JMJD1C: variants seen among roughly 807,000 people sequenced by gnomAD.
JMJD1C encodes the protein jumonji domain-containing protein 1C.
JMJD1C carries 31 observed loss-of-function variants against 245.3 expected under a neutral mutation model. The ratio of observed to expected loss-of-function variants is 0.13; its 90% CI spans 0.09 to 0.17. The LOEUF (loss-of-function observed/expected upper bound fraction) is 0.17, where lower values mean the gene tolerates loss of function less well. Among genes scored for constraint, JMJD1C ranks in the 10% least tolerant of loss-of-function variants. The pLI is 1.00. For synonymous variants in JMJD1C, 1,057 were observed against 1,017.4 expected, an observed-to-expected ratio of 1.04 and a Z score of -0.74; for missense variants, 2,691 against 3,000.2, an observed-to-expected ratio of 0.90 and a Z score of 2.41.
Position 63,287,353 on chromosome 10 carries a change from G to C in JMJD1C, c.334-22589C>G, listed in dbSNP as rs940017820. On this transcript the variant is annotated intron_variant, in intron 2 of 25. Transcript: ENST00000399262. ...ACTGTTCTGTGGTATGAAGGTTAAA[G>C]CTGTCGTTCCACGTATGTGAAGTAC... Among the ~76,000 whole-genome samples, 44 of 152,352 alleles carry C rather than the reference G, an allele frequency of 2.9e-4. No individual in the cohort carries two copies. The East Asian group carries it at 4.1e-3, about 14-fold the overall frequency.
intron 2 of JMJD1C, among the ~76,000 whole-genome samples, chr10:63,295,964 T>TATACAC (rs1859346945): frequency 2.2e-4 from 2 of 8,922 alleles, no homozygotes; most frequent in African/African-American, 1.0e-3. Context: ...CGTATATGTG[T>TATACAC]GTGTGTGTGT....
chr10:63,180,610 T>C (rs187008362), intron 22 of JMJD1C, among the ~76,000 whole-genome samples: 5 of 152,302 alleles, frequency 3.3e-5, no homozygotes, highest in African/African-American at 1.2e-4. Context: ...TTTTTGTTTG[T>C]TTGTTTGTTT....
At chr10:63,369,013 G>A (rs77023719) in intron 2 of JMJD1C, among the ~76,000 whole-genome samples, 1,526 of 152,172 alleles carry the variant, frequency 0.01, 26 homozygotes, top group African/African-American at 0.034. Context: ...TTTAGTTAAA[G>A]CCTCCTCAGG....
At chr10:63,424,336 G>A (rs568044523) in intron 1 of JMJD1C, among the ~76,000 whole-genome samples, 8 of 151,286 alleles carry the variant, frequency 5.3e-5, no homozygotes, top group Non-Finnish European at 1.2e-4. Flanking sequence ...CAAAGTGATG[G>A]GATTACAGGC....
chr10:63,168,648 A>C, intron 24 of JMJD1C, 82 bp from the exon 25 acceptor site: 1 of 1,242,286 alleles, frequency 8.0e-7, no homozygotes, highest in Non-Finnish European at 1.1e-6. Flanking sequence ...ACCAATAAAC[A>C]CAAGAGACAA....
chr10:63,209,613 A>G (rs1847084991), intron 8 of JMJD1C, among the ~76,000 whole-genome samples: 1 of 152,222 alleles, frequency 6.6e-6, no homozygotes, highest in Admixed American at 6.5e-5. Context: ...TTCCTAAAAC[A>G]CATTTCATCA....
At chr10:63,374,779 T>G (rs1300284616) in intron 2 of JMJD1C, among the ~76,000 whole-genome samples, 1 of 152,110 alleles carries the variant, frequency 6.6e-6, no homozygotes, top group African/African-American at 2.4e-5. Context: ...TGAAGAGAAA[T>G]GTAGAGGATA....
At chr10:63,173,110 C>T (rs1345746796) in intron 24 of JMJD1C, among the ~76,000 whole-genome samples, 1 of 151,902 alleles carries the variant, frequency 6.6e-6, no homozygotes, top group Admixed American at 6.6e-5. Flanking sequence ...TGAATTTTCA[C>T]CGTGAACTTT....
At chr10:63,504,737 G>T (rs1321087587) in intron 1 of JMJD1C, among the ~76,000 whole-genome samples, 1 of 152,114 alleles carries the variant, frequency 6.6e-6, no homozygotes, top group East Asian at 1.9e-4. Context: ...ATTGAAACAG[G>T]TCAATAATAG....
chr10:63,180,355 G>A (rs1233593463), intron 22 of JMJD1C, among the ~76,000 whole-genome samples: 2 of 152,158 alleles, frequency 1.3e-5, no homozygotes, highest in African/African-American at 4.8e-5. Flanking sequence ...GTCCTAGGAA[G>A]TTGGGAATTA....
intron 2 of JMJD1C, among the ~76,000 whole-genome samples, chr10:63,271,471 C>G (rs1220229169): frequency 6.6e-6 from 1 of 152,086 alleles, no homozygotes; most frequent in Admixed American, 6.5e-5. Context: ...AGCCACCATG[C>G]CCGGATGTAA....
At chr10:63,399,591 A>G (rs1948727381) in intron 1 of JMJD1C, among the ~76,000 whole-genome samples, 1 of 152,194 alleles carries the variant, frequency 6.6e-6, no homozygotes, top group Non-Finnish European at 1.5e-5. Flanking sequence ...CAATATATAT[A>G]CAACAGTCTA....
At chr10:63,480,662 GC>G (rs1953804112) in intron 1 of JMJD1C, among the ~76,000 whole-genome samples, 1 of 151,078 alleles carries the variant, frequency 6.6e-6, no homozygotes, top group Non-Finnish European at 1.5e-5. Flanking sequence ...ATTCATCACA[GC>G]CAGTTTGAAT....
chr10:63,255,326 CATAA>C (rs1853730538), intron 3 of JMJD1C, among the ~76,000 whole-genome samples: 1 of 152,108 alleles, frequency 6.6e-6, no homozygotes, highest in African/African-American at 2.4e-5. Flanking sequence ...TAGTAGAAAA[CATAA>C]ATATTAGATT....
chr10:63,391,508 T>TCAACAA (rs140504932), intron 1 of JMJD1C, among the ~76,000 whole-genome samples: 5,147 of 149,370 alleles, frequency 0.034, 99 homozygotes, highest in East Asian at 0.09. Flanking sequence ...AGACTCCGTC[T>TCAACAA]CAACAACAAC....
intron 2 of JMJD1C, among the ~76,000 whole-genome samples, chr10:63,303,907 T>G (rs1217122267): frequency 6.6e-6 from 1 of 152,186 alleles, no homozygotes; most frequent in African/African-American, 2.4e-5. Context: ...TACTCTAAAT[T>G]CATACTAAGA....
chr10:63,203,499 A>T, intron 10 of JMJD1C: 1 of 982,448 alleles, frequency 1.0e-6, no homozygotes, highest in Non-Finnish European at 1.2e-6. Context: ...ATTTTTTTGG[A>T]GATAGAGAAA....
chr10:63,413,644 G>A (rs1949619695), intron 1 of JMJD1C, among the ~76,000 whole-genome samples: 2 of 152,110 alleles, frequency 1.3e-5, no homozygotes, highest in Non-Finnish European at 2.9e-5. Flanking sequence ...GTTATCAAGC[G>A]ATAAGATAAT....
At chr10:63,400,012 C>T (rs1948753230) in intron 1 of JMJD1C, among the ~76,000 whole-genome samples, 1 of 152,000 alleles carries the variant, frequency 6.6e-6, no homozygotes, top group Admixed American at 6.6e-5. Flanking sequence ...AAAAAGCCTA[C>T]TTTACTCACT....
Sources: allele counts gnomAD v4.1 joint callset (sites outside exome capture counted in the v4.1 genomes callset), GRCh38; gene constraint gnomAD v4.1.1; transcripts MANE v1.5; gene names NCBI Gene and HGNC (gene_info 2026-07-23, HGNC 2026-07-21).